The following MEGF11 variants were observed in gnomAD, a reference collection of about 807,000 sequenced individuals.
MEGF11 encodes multiple epidermal growth factor-like domains protein 11.
A neutral mutation model predicts 146.6 loss-of-function variants in MEGF11; 126 were observed. The ratio of observed to expected loss-of-function variants is 0.86; its 90% CI spans 0.74 to 1.00. The LOEUF (loss-of-function observed/expected upper bound fraction) is 1.00. Ranked by LOEUF, MEGF11 falls within the 50% of genes least tolerant of loss-of-function variation. MEGF11 has a pLI of 0.00. For synonymous variants in MEGF11, 532 were observed against 583.4 expected, an observed-to-expected ratio of 0.91 and a Z score of 1.27; for missense variants, 1,509 against 1,521.2, an observed-to-expected ratio of 0.99 and a Z score of 0.13.
In MEGF11 at chr15:65,908,489, C is replaced by T. The variant is rs541601497; in HGVS notation, c.2998+545G>A. ...TCTCCCAAGCCACCAGATTTCAGCC[C>T]AGGCTGTACTCAGTACATGAGTACA... is the stretch of plus-strand genomic sequence containing the variant. On this transcript the variant is annotated intron_variant, in intron 23 of 25. Coordinates refer to ENST00000395614, the MANE Select transcript of MEGF11 (RefSeq NM_001385028.1). 9.2e-5 allele frequency among the ~76,000 whole-genome samples: 14 copies of T among 152,294 alleles called. 1 individual carries two copies. In the South Asian group the frequency reaches 2.7e-3, roughly 29 times the overall value.
intron 5 of MEGF11, among the ~76,000 whole-genome samples, chr15:66,006,831 T>G (rs989630305): frequency 1.3e-5 from 2 of 152,186 alleles, no homozygotes; most frequent in East Asian, 3.8e-4. Context: ...CCCTCCAGTC[T>G]CCAAGAAAGG....
At chr15:66,125,835 C>T (rs1260314867) in intron 2 of MEGF11, among the ~76,000 whole-genome samples, 1 of 152,138 alleles carries the variant, frequency 6.6e-6, no homozygotes, top group Non-Finnish European at 1.5e-5. Context: ...TGGGGTCCAG[C>T]CTCCCTTTTC....
chr15:66,151,797 C>T (rs1384043265), intron 1 of MEGF11, among the ~76,000 whole-genome samples: 1 of 152,192 alleles, frequency 6.6e-6, no homozygotes, highest in Non-Finnish European at 1.5e-5. Context: ...CTCCCAGCTC[C>T]GTTCGCAGCA....
At chr15:65,919,063 T>A (rs184911400) in intron 15 of MEGF11, among the ~76,000 whole-genome samples, 2 of 152,268 alleles carry the variant, frequency 1.3e-5, no homozygotes, top group Admixed American at 1.3e-4. Context: ...AGGGCCCAGG[T>A]CTCTCACATC....
chr15:66,127,324 G>A (rs2088402263), intron 2 of MEGF11, among the ~76,000 whole-genome samples: 1 of 152,162 alleles, frequency 6.6e-6, no homozygotes, highest in African/African-American at 2.4e-5. Flanking sequence ...CTGGTCTCCA[G>A]GGATCACACA....
chr15:66,208,281 A>G (rs1555482456), intron 1 of MEGF11, among the ~76,000 whole-genome samples: 1 of 152,182 alleles, frequency 6.6e-6, no homozygotes, highest in Non-Finnish European at 1.5e-5. Context: ...TAAAATGACA[A>G]CATGAGAAAA....
At chr15:66,146,604 C>G (rs1001162169) in intron 1 of MEGF11, among the ~76,000 whole-genome samples, 42 of 152,234 alleles carry the variant, frequency 2.8e-4, no homozygotes, top group Non-Finnish European at 1.6e-4. Flanking sequence ...GGCCTCTATC[C>G]TGATCAGTGT....
At chr15:66,011,038 T>G (rs1036762009) in intron 5 of MEGF11, among the ~76,000 whole-genome samples, 3 of 152,052 alleles carry the variant, frequency 2.0e-5, no homozygotes, top group African/African-American at 7.2e-5. Flanking sequence ...ACAGGGTGTG[T>G]GTAAAGGGGG....
In MEGF11 at chr15:66,046,026, C is replaced by T. The variant is rs1281667469; in HGVS notation, c.394+48376G>A. Among the ~76,000 whole-genome samples, 3 of 152,214 alleles carry T rather than the reference C, an allele frequency of 2.0e-5. No individual in the cohort carries two copies. The East Asian group carries it at 5.8e-4, about 29-fold the overall frequency. The stretch of plus-strand genomic sequence containing the variant: ...GCTGAGGCAGGCGAATTGCTTGAAC[C>T]TGGGAGGCGGAGGTTGCAGTGAGCC... On this transcript the variant is annotated intron_variant, in intron 5 of 25. Coordinates refer to ENST00000395614, the MANE Select transcript of MEGF11 (RefSeq NM_001385028.1).
Position 65,916,283 on chromosome 15 carries a change from A to T in MEGF11, c.2216-7T>A. The T allele has an allele frequency of 6.4e-7, 1 of 1,553,218 alleles. No individual in the cohort carries two copies. Among genetic ancestry groups the T allele is most frequent in the Non-Finnish European group, 8.7e-7 (1 of 1,147,890 alleles). On this transcript the variant is annotated splice_polypyrimidine_tract_variant and splice_region_variant and intron_variant, in intron 17 of 25. Transcript: ENST00000395614. Reference sequence around the variant, plus strand: ...AAAAATGCTGCTGGGCAGCCTAGAGAAACAGGATTTCCAGTCACGAGAGTT... The same window carrying T: ...AAAAATGCTGCTGGGCAGCCTAGAGTAACAGGATTTCCAGTCACGAGAGTT...
intron 1 of MEGF11, among the ~76,000 whole-genome samples, chr15:66,198,477 CTTTTTTG>C (rs1232746331): frequency 6.6e-6 from 1 of 152,140 alleles, no homozygotes; most frequent in African/African-American, 2.4e-5. Context: ...AAGTCACTTT[CTTTTTTG>C]TTTTTTGTTT....
intron 1 of MEGF11, among the ~76,000 whole-genome samples, chr15:66,248,057 G>A (rs930080305): frequency 2.0e-5 from 3 of 151,904 alleles, no homozygotes; most frequent in African/African-American, 7.3e-5. Flanking sequence ...TGACTTAGGC[G>A]TGACACATGA....
At chr15:65,901,089 T>G (rs946239915) in intron 24 of MEGF11, among the ~76,000 whole-genome samples, 5 of 152,226 alleles carry the variant, frequency 3.3e-5, no homozygotes, top group African/African-American at 1.2e-4. Context: ...ACATAGCTGC[T>G]TGGACCCTTG....
chr15:66,173,351 T>C (rs905749271), intron 1 of MEGF11, among the ~76,000 whole-genome samples: 2 of 152,112 alleles, frequency 1.3e-5, no homozygotes, highest in Non-Finnish European at 2.9e-5. Context: ...GTCTCGCTCT[T>C]GTGGCCCAGG....
At chr15:66,237,734 A>C (rs1044846204) in intron 1 of MEGF11, among the ~76,000 whole-genome samples, 4 of 152,182 alleles carry the variant, frequency 2.6e-5, no homozygotes, top group Admixed American at 2.0e-4. Context: ...AGTCTGCCAC[A>C]CAGCAGGCAC....
chr15:66,019,279 C>T (rs1259290781), intron 5 of MEGF11, among the ~76,000 whole-genome samples: 1 of 152,224 alleles, frequency 6.6e-6, no homozygotes, highest in African/African-American at 2.4e-5. Context: ...ACATGGCATC[C>T]TTCTGCTGCT....
intron 8 of MEGF11, among the ~76,000 whole-genome samples, chr15:65,969,076 G>T (rs1282750599): frequency 6.6e-6 from 1 of 152,138 alleles, no homozygotes; most frequent in Non-Finnish European, 1.5e-5. Context: ...TGGCTTTAGG[G>T]GTTCCTCTCT....
At chr15:66,096,819 G>A (rs528390680) in intron 4 of MEGF11, among the ~76,000 whole-genome samples, 4 of 152,292 alleles carry the variant, frequency 2.6e-5, no homozygotes, top group Non-Finnish European at 4.4e-5. Context: ...TCCAAGCTGG[G>A]GGGGAACAGC....
chr15:65,915,880 T>C lies in MEGF11; in HGVS notation c.2344+268A>G, dbSNP rs551285615. On this transcript the variant is annotated intron_variant, in intron 18 of 25. Coordinates refer to ENST00000395614, the MANE Select transcript of MEGF11 (RefSeq NM_001385028.1). Reference sequence around the variant, plus strand: ...TGAATGCCATAGGGACTTTAAAGAATAATAAAAAAAAAATCCTGCCTCCCA... The same window carrying C: ...TGAATGCCATAGGGACTTTAAAGAACAATAAAAAAAAAATCCTGCCTCCCA... Among the ~76,000 whole-genome samples the C allele has an allele frequency of 9.2e-5, 14 of 151,506 alleles. No homozygotes were observed. The South Asian group carries it at 1.0e-3, about 11-fold the overall frequency.
Sources: allele counts gnomAD v4.1 joint callset (sites outside exome capture counted in the v4.1 genomes callset), GRCh38; gene constraint gnomAD v4.1.1; transcripts MANE v1.5; gene names NCBI Gene and HGNC (gene_info 2026-07-23, HGNC 2026-07-21).